SIPA1L1: variants seen among roughly 807,000 people sequenced by gnomAD.
SIPA1L1 encodes the protein signal-induced proliferation-associated 1-like protein 1.
A neutral mutation model predicts 162.7 loss-of-function variants in SIPA1L1; 26 were observed. That is an observed-to-expected ratio of 0.16 (90% CI 0.12 to 0.22). The LOEUF (loss-of-function observed/expected upper bound fraction) is 0.22, where lower values mean the gene tolerates loss of function less well. Among genes scored for constraint, SIPA1L1 ranks in the 10% least tolerant of loss-of-function variants. SIPA1L1 has a pLI of 1.00. For synonymous variants in SIPA1L1, 829 were observed against 837.4 expected (o/e 0.99, Z 0.17); for missense variants, 1,874 against 2,241.0 (o/e 0.84, Z 3.31).
intron 2 of SIPA1L1, among the ~76,000 whole-genome samples, chr14:71,493,369 G>A (rs1477971502): frequency 6.6e-6 from 1 of 152,126 alleles, no homozygotes; most frequent in South Asian, 2.1e-4. Context: ...CTGGGATTAC[G>A]GGTGTGAGCT....
At chr14:71,431,163 CAA>C (rs1446444922) in intron 2 of SIPA1L1, among the ~76,000 whole-genome samples, 1 of 152,144 alleles carries the variant, frequency 6.6e-6, no homozygotes, top group African/African-American at 2.4e-5. Context: ...GCTTTTCATA[CAA>C]TCAGCTTTCA....
intron 2 of SIPA1L1, among the ~76,000 whole-genome samples, chr14:71,464,658 AAAAC>A (rs2046850592): frequency 6.6e-6 from 1 of 151,944 alleles, no homozygotes; most frequent in South Asian, 2.1e-4. Context: ...AAAACAAAAC[AAAAC>A]AAAAAAAACA....
intron 11 of SIPA1L1, 109 bp downstream of exon 11, chr14:71,671,801 A>G: frequency 1.3e-6 from 1 of 785,492 alleles, no homozygotes; most frequent in East Asian, 2.7e-5. Flanking sequence ...GCTCCTCTGA[A>G]AACTCCCTTG....
At chr14:71,472,154 G>A (rs61419469) in intron 2 of SIPA1L1, among the ~76,000 whole-genome samples, 4,643 of 152,250 alleles carry the variant, frequency 0.03, 251 homozygotes, top group African/African-American at 0.11. Flanking sequence ...GGCAGCCTCC[G>A]TCTAGACTCT....
chr14:71,736,062 T>C (rs1160373605), intron 22 of SIPA1L1, among the ~76,000 whole-genome samples: 1 of 152,238 alleles, frequency 6.6e-6, no homozygotes, highest in Non-Finnish European at 1.5e-5. Context: ...AAGCACTTCT[T>C]GTTGCAGAAT....
At chr14:71,733,412 A>C (rs148595013) in intron 20 of SIPA1L1, among the ~76,000 whole-genome samples, 1 of 152,186 alleles carries the variant, frequency 6.6e-6, no homozygotes, top group African/African-American at 2.4e-5. Flanking sequence ...TAGTGCCTCC[A>C]TGCAAAACTA....
At chr14:71,336,346 C>T (rs1006399920) in intron 2 of SIPA1L1, among the ~76,000 whole-genome samples, 2 of 152,152 alleles carry the variant, frequency 1.3e-5, no homozygotes, top group Admixed American at 6.5e-5. Flanking sequence ...GCAGTCACCC[C>T]CCATTTCTTT....
At chr14:71,470,822 T>C (rs1380925182) in intron 2 of SIPA1L1, among the ~76,000 whole-genome samples, 1 of 152,074 alleles carries the variant, frequency 6.6e-6, no homozygotes, top group Non-Finnish European at 1.5e-5. Flanking sequence ...GAGTTTTTTT[T>C]GTTTTGTTTT....
intron 2 of SIPA1L1, among the ~76,000 whole-genome samples, chr14:71,479,320 T>TGTGTGTGTGTATGTAG (rs1208316085): frequency 6.9e-6 from 1 of 145,840 alleles, no homozygotes; most frequent in Non-Finnish European, 1.5e-5. Context: ...TCTTTTTCCA[T>TGTGTGTGTGTATGTAG]GTGTGTGTGT....
intron 2 of SIPA1L1, among the ~76,000 whole-genome samples, chr14:71,402,679 T>C (rs1046045422): frequency 8.5e-5 from 13 of 152,282 alleles, no homozygotes; most frequent in African/African-American, 3.1e-4. Context: ...CACTGATTAT[T>C]ATACTCCTTC....
intron 2 of SIPA1L1, among the ~76,000 whole-genome samples, chr14:71,331,866 A>G (rs139805234): frequency 5.9e-5 from 9 of 152,304 alleles, no homozygotes; most frequent in African/African-American, 1.7e-4. Flanking sequence ...AACAAAAACA[A>G]AAAAACAGAA....
chr14:71,722,827 C>G (rs1018760280), intron 17 of SIPA1L1, among the ~76,000 whole-genome samples: 1 of 152,170 alleles, frequency 6.6e-6, no homozygotes, highest in African/African-American at 2.4e-5. Context: ...CTTCTGCCTC[C>G]CGGGTTCAAG....
chr14:71,714,440 C>G (rs1229005006), intron 17 of SIPA1L1, among the ~76,000 whole-genome samples: 2 of 152,204 alleles, frequency 1.3e-5, no homozygotes, highest in African/African-American at 4.8e-5. Context: ...GTCATTAAAT[C>G]ATAAGGCCAA....
chr14:71,325,045 C>T (rs2033627965), intron 2 of SIPA1L1, among the ~76,000 whole-genome samples: 1 of 152,132 alleles, frequency 6.6e-6, no homozygotes, highest in African/African-American at 2.4e-5. Flanking sequence ...AGGGGGTTTC[C>T]TTCTTCCGGG....
chr14:71,382,476 T>A (rs1346078938), intron 2 of SIPA1L1, among the ~76,000 whole-genome samples: 1 of 152,184 alleles, frequency 6.6e-6, no homozygotes, highest in Non-Finnish European at 1.5e-5. Context: ...ACATTAGAAC[T>A]TGTTCAGAGA....
intron 21 of SIPA1L1, among the ~76,000 whole-genome samples, chr14:71,734,956 G>A (rs2085150502): frequency 1.3e-5 from 2 of 152,322 alleles, no homozygotes; most frequent in South Asian, 4.1e-4. Flanking sequence ...TCATTGCTGA[G>A]TGGAAAGCCT....
At chr14:71,570,698 G>C (rs1285874410) in intron 4 of SIPA1L1, among the ~76,000 whole-genome samples, 1 of 152,184 alleles carries the variant, frequency 6.6e-6, no homozygotes, top group Non-Finnish European at 1.5e-5. Flanking sequence ...GGGAATATAA[G>C]ATACTGAAGA....
At chr14:71,521,896 A>G (rs1037234147) in intron 3 of SIPA1L1, among the ~76,000 whole-genome samples, 2 of 152,232 alleles carry the variant, frequency 1.3e-5, no homozygotes, top group African/African-American at 4.8e-5. Context: ...TAATGGGGTC[A>G]GTCATCTTTC....
intron 5 of SIPA1L1, among the ~76,000 whole-genome samples, chr14:71,616,110 T>C (rs2038807485): frequency 6.6e-6 from 1 of 152,190 alleles, no homozygotes; most frequent in Non-Finnish European, 1.5e-5. Context: ...GTTGAAGTTC[T>C]GAAAGCAGGT....
Sources: gnomAD v4.1 joint callset for allele counts (sites outside exome capture counted in the v4.1 genomes callset) on GRCh38, gnomAD v4.1.1 for gene constraint, MANE v1.5 for transcripts, NCBI Gene and HGNC (gene_info 2026-07-23, HGNC 2026-07-21) for gene names.